The following MED27 variants were observed in gnomAD, a reference collection of about 807,000 sequenced individuals.
MED27 encodes the protein mediator of RNA polymerase II transcription subunit 27.
In MED27, 30 loss-of-function variants were observed where a neutral mutation model predicts 38.2. The ratio of observed to expected loss-of-function variants is 0.79; its 90% CI spans 0.59 to 1.07. The LOEUF (loss-of-function observed/expected upper bound fraction) is 1.07, where lower values mean the gene tolerates loss of function less well. MED27 is among the 50% of genes least tolerant of loss of function. MED27 has a pLI of 0.00. For missense variants in MED27, 289 were observed against 397.5 expected (o/e 0.73, Z 2.32); for synonymous variants, 122 against 153.5 (o/e 0.79, Z 1.52).
At chr9:131,971,644 GGTGA>G (rs1831479865) in intron 3 of MED27, among the ~76,000 whole-genome samples, 1 of 152,164 alleles carries the variant, frequency 6.6e-6, no homozygotes, top group Non-Finnish European at 1.5e-5. Flanking sequence ...CCCCGTTAGT[GGTGA>G]CGGGGAGAAG....
At chr9:131,943,153 G>T (rs1246905889) in intron 3 of MED27, among the ~76,000 whole-genome samples, 3 of 152,108 alleles carry the variant, frequency 2.0e-5, no homozygotes, top group Admixed American at 1.3e-4. Context: ...TTTTCTACAG[G>T]TGACATTATG....
Position 131,883,134 on chromosome 9 carries a change from T to G in MED27, c.723+924A>C, listed in dbSNP as rs1376590837. The stretch of plus-strand genomic sequence containing the variant: ...ATTGGCTAGGCTGGTCTTGAACTCC[T>G]GACCTCAGGTGATCTGCCTACCTTG... On this transcript the variant is annotated intron_variant, in intron 6 of 7. Transcript: ENST00000292035. The surrounding 1 kb of genome is among the most constrained non-coding windows in gnomAD (Gnocchi z 4.2). Among the ~76,000 whole-genome samples the G allele has an allele frequency of 6.6e-6, 1 of 152,232 alleles. No homozygotes were observed. The highest frequency in any genetic ancestry group is 1.9e-4 in the East Asian group (1 of 5,200).
In MED27 at chr9:131,936,194, T is replaced by A. The variant is rs915919316; in HGVS notation, c.573+3187A>T. Reference sequence around the variant, plus strand: ...AAGAAAAAATCACCAGCCTAGTGCCTGGTAGTCCAAATCTTACTTGCCACC... The same window carrying A: ...AAGAAAAAATCACCAGCCTAGTGCCAGGTAGTCCAAATCTTACTTGCCACC... On this transcript the variant is annotated intron_variant, in intron 4 of 7. Coordinates refer to ENST00000292035, the MANE Select transcript of MED27 (RefSeq NM_004269.4). 2.0e-5 allele frequency among the ~76,000 whole-genome samples: 3 copies of A among 151,124 alleles called. No homozygotes were observed. In the South Asian group the frequency reaches 6.3e-4, roughly 32 times the overall value.
At chr9:131,987,365 A>G (rs894932169) in intron 3 of MED27, among the ~76,000 whole-genome samples, 4 of 152,182 alleles carry the variant, frequency 2.6e-5, no homozygotes, top group Non-Finnish European at 5.9e-5. Context: ...AAGGGTCAGA[A>G]GTCTCATGCG....
chr9:131,908,830 A>C (rs376841601), intron 4 of MED27, among the ~76,000 whole-genome samples: 2 of 151,700 alleles, frequency 1.3e-5, no homozygotes, highest in African/African-American at 4.8e-5. Context: ...GTCCTATGAC[A>C]CTGCCAAATC....
intron 4 of MED27, among the ~76,000 whole-genome samples, chr9:131,909,976 A>G (rs972837417): frequency 2.0e-5 from 3 of 152,258 alleles, no homozygotes; most frequent in Non-Finnish European, 4.4e-5. Flanking sequence ...TCTGGACTTC[A>G]ACTCACCCAG....
chr9:131,970,900 A>T (rs144448461), intron 3 of MED27, among the ~76,000 whole-genome samples: 6 of 152,364 alleles, frequency 3.9e-5, no homozygotes, highest in Admixed American at 6.5e-5. Context: ...TTTTTAGACA[A>T]GTAGGGAAAT....
chr9:131,933,747 A>G (rs774885597), intron 4 of MED27, among the ~76,000 whole-genome samples: 3 of 152,142 alleles, frequency 2.0e-5, no homozygotes, highest in Non-Finnish European at 2.9e-5. Flanking sequence ...TTATCAAAAT[A>G]CCAATGATAT....
At chr9:131,951,231 T>C (rs1830989850) in intron 3 of MED27, among the ~76,000 whole-genome samples, 1 of 152,342 alleles carries the variant, frequency 6.6e-6, no homozygotes, top group South Asian at 2.1e-4. Flanking sequence ...GGCCCTCAAA[T>C]GCACACCAGA....
intron 3 of MED27, among the ~76,000 whole-genome samples, chr9:131,966,267 T>C (rs1043727069): frequency 1.0e-4 from 15 of 144,926 alleles, no homozygotes; most frequent in African/African-American, 3.9e-4. Flanking sequence ...CATGTGCCTG[T>C]AGTCCCAGCT....
intron 3 of MED27, among the ~76,000 whole-genome samples, chr9:131,987,887 G>A (rs1011682682): frequency 1.3e-5 from 2 of 152,224 alleles, no homozygotes; most frequent in Admixed American, 6.5e-5. Flanking sequence ...TCCTCTCTTA[G>A]TTGGGGCGGC....
At chr9:131,932,382 G>A (rs1380176896) in intron 4 of MED27, among the ~76,000 whole-genome samples, 1 of 139,408 alleles carries the variant, frequency 7.2e-6, no homozygotes, top group Non-Finnish European at 1.5e-5. Flanking sequence ...ACTAATTAGG[G>A]AAAAAAAAAA....
chr9:131,937,994 C>T (rs186429038), intron 4 of MED27, among the ~76,000 whole-genome samples: 2 of 152,134 alleles, frequency 1.3e-5, no homozygotes, highest in Admixed American at 6.5e-5. Flanking sequence ...AAAAAAACAT[C>T]GCATTATCTC....
At chr9:132,026,618 A>G (rs1187886951) in intron 2 of MED27, among the ~76,000 whole-genome samples, 1 of 152,168 alleles carries the variant, frequency 6.6e-6, no homozygotes, top group African/African-American at 2.4e-5. Flanking sequence ...GGCCTGATGG[A>G]TGCAAAGCAC....
intron 2 of MED27, among the ~76,000 whole-genome samples, chr9:132,024,689 C>T (rs1005364115): frequency 2.6e-5 from 4 of 152,190 alleles, no homozygotes; most frequent in Non-Finnish European, 5.9e-5. Flanking sequence ...TATTACAAGA[C>T]GATACCTCTT....
chr9:131,879,754 A>C (rs886082311), intron 6 of MED27, among the ~76,000 whole-genome samples: 1 of 152,206 alleles, frequency 6.6e-6, no homozygotes. Flanking sequence ...GGGTGCAAAC[A>C]GGCAGAGCAG....
intron 5 of MED27, among the ~76,000 whole-genome samples, chr9:131,885,099 A>T (rs1428290750): frequency 6.6e-6 from 1 of 152,124 alleles, no homozygotes; most frequent in East Asian, 1.9e-4. Context: ...GGGCATCAGT[A>T]GGTCTTTTCT....
intron 2 of MED27, among the ~76,000 whole-genome samples, chr9:132,060,426 T>C (rs1030531539): frequency 5.3e-5 from 8 of 152,158 alleles, no homozygotes; most frequent in Non-Finnish European, 1.0e-4. Context: ...AGGCCAACTC[T>C]CAAAGGCCTT....
chr9:132,002,901 T>A (rs1432926906), intron 3 of MED27, among the ~76,000 whole-genome samples: 2 of 123,004 alleles, frequency 1.6e-5, no homozygotes, highest in Non-Finnish European at 3.3e-5. Flanking sequence ...GGGTACAGAG[T>A]GAGTGAGACT....
Sources: gnomAD v4.1 joint callset for allele counts (sites outside exome capture counted in the v4.1 genomes callset) on GRCh38, gnomAD v4.1.1 for gene constraint, Gnocchi (gnomAD v3.1) non-coding constraint, MANE v1.5 for transcripts, NCBI Gene and HGNC (gene_info 2026-07-23, HGNC 2026-07-21) for gene names.